The following GUCA1C variants were observed in gnomAD, a reference collection of about 807,000 sequenced individuals.
GUCA1C encodes guanylyl cyclase-activating protein 3.
GUCA1C carries 15 observed loss-of-function variants against 16.2 expected under a neutral mutation model. The observed-to-expected ratio is 0.93, with a 90% CI of 0.62 to 1.43. The LOEUF is 1.43. Ranked by LOEUF, GUCA1C falls within the 40% of genes most tolerant of loss-of-function variation. The probability of loss-of-function intolerance (pLI) is 0.00; values close to 1 mark genes in which losing one functional copy is unlikely to be tolerated. For synonymous variants in GUCA1C, 78 were observed against 85.4 expected, an observed-to-expected ratio of 0.91 and a Z score of 0.48; for missense variants, 275 against 244.8, an observed-to-expected ratio of 1.12 and a Z score of -0.82.
At chr3:108,911,515 G>A (rs973971123) in intron 3 of GUCA1C, among the ~76,000 whole-genome samples, 5 of 152,220 alleles carry the variant, frequency 3.3e-5, no homozygotes, top group Non-Finnish European at 7.3e-5. Context: ...TGTCAAGGGA[G>A]GATGCTGGTG....
intron 3 of GUCA1C, 36 bp downstream of exon 3, chr3:108,916,091 T>C (rs1220243986): frequency 7.4e-6 from 12 of 1,610,782 alleles, no homozygotes; most frequent in Non-Finnish European, 1.0e-5. Context: ...TCCTACTTTG[T>C]AGGAAAAGTG....
rs780074681 is a variant in GUCA1C, at chr3:108,920,473, C to A, written c.317G>T (p.Gly106Val). The A allele has an allele frequency of 1.2e-6, 2 of 1,607,194 alleles. No individual in the cohort carries two copies. Among genetic ancestry groups the A allele is most frequent in the Non-Finnish European group, 1.7e-6 (2 of 1,174,164 alleles). ...YFKLYDADGNGSIDKNELLDM... is the reference protein window; with the variant it reads ...YFKLYDADGNVSIDKNELLDM... ...CAGTAGTTCATTTTTGTCAATAGAA[C>A]CATTTCCATCAGCATCATACAGCTT... is the stretch of plus-strand genomic sequence containing the variant. Residue 106 changes from glycine to valine, a missense_variant, in exon 2 of 4, where the codon GGT (glycine) becomes GTT (valine). Coordinates refer to ENST00000261047, the MANE Select transcript of GUCA1C (RefSeq NM_005459.4).
upstream of GUCA1C, chr3:108,954,002 CAT>C (rs1946926002): frequency 2.0e-6 from 1 of 502,680 alleles, no homozygotes; most frequent in South Asian, 3.2e-5. Context: ...CATGCAGAGA[CAT>C]AGTTTTTTGT....
chr3:108,925,860 G>A (rs148642707), intron 1 of GUCA1C, among the ~76,000 whole-genome samples: 127 of 152,308 alleles, frequency 8.3e-4, no homozygotes, highest in African/African-American at 2.7e-3. Context: ...GCTGAGGCAG[G>A]TGGATCACCT....
At chr3:108,912,103 CAAT>C (rs144187451) in intron 3 of GUCA1C, among the ~76,000 whole-genome samples, 1 of 125,700 alleles carries the variant, frequency 8.0e-6, no homozygotes. Context: ...GACTCCGTCT[CAAT>C]AATAATAATA....
At chr3:108,942,820 T>A (rs1946801170) in intron 1 of GUCA1C, among the ~76,000 whole-genome samples, 1 of 152,238 alleles carries the variant, frequency 6.6e-6, no homozygotes, top group Non-Finnish European at 1.5e-5. Context: ...CTAATTATTA[T>A]CCATCTTTGT....
chr3:108,915,387 C>T (rs942522217), intron 3 of GUCA1C, among the ~76,000 whole-genome samples: 10 of 152,152 alleles, frequency 6.6e-5, no homozygotes, highest in Admixed American at 1.3e-4. Context: ...TTTCAAGGAC[C>T]ATTCCTAGAT....
intron 1 of GUCA1C, among the ~76,000 whole-genome samples, chr3:108,930,144 T>C (rs969822810): frequency 3.9e-5 from 6 of 152,226 alleles, no homozygotes; most frequent in African/African-American, 1.4e-4. Flanking sequence ...GACTCATTCT[T>C]CGCTATTTTC....
At chr3:108,946,688 T>C (rs1013275627) in intron 1 of GUCA1C, among the ~76,000 whole-genome samples, 3 of 152,074 alleles carry the variant, frequency 2.0e-5, no homozygotes, top group Non-Finnish European at 4.4e-5. Context: ...GCAAGTTAGA[T>C]GACACAAGAG....
At chr3:108,950,597 G>T (rs578194327) in intron 1 of GUCA1C, among the ~76,000 whole-genome samples, 1 of 152,132 alleles carries the variant, frequency 6.6e-6, no homozygotes, top group Non-Finnish European at 1.5e-5. Context: ...AATCCACCAT[G>T]CTGTGTGATT....
At chr3:108,929,057 C>A (rs1296107863) in intron 1 of GUCA1C, among the ~76,000 whole-genome samples, 4 of 152,166 alleles carry the variant, frequency 2.6e-5, no homozygotes, top group African/African-American at 9.7e-5. Flanking sequence ...TACTGAGTCT[C>A]CCTTTCCATG....
intron 1 of GUCA1C, among the ~76,000 whole-genome samples, chr3:108,925,206 C>T (rs1559843201): frequency 6.6e-6 from 1 of 151,820 alleles, no homozygotes; most frequent in Non-Finnish European, 1.5e-5. Context: ...TATCCAGTTC[C>T]GTGAGGTGTG....
chr3:108,924,855 A>G (rs1397599225), intron 1 of GUCA1C, among the ~76,000 whole-genome samples: 4 of 152,146 alleles, frequency 2.6e-5, no homozygotes, highest in Non-Finnish European at 5.9e-5. Flanking sequence ...GATTTAATCT[A>G]GGAGGTTTGT....
chr3:108,928,694 C>CT (rs149504532), intron 1 of GUCA1C, among the ~76,000 whole-genome samples: 1 of 152,304 alleles, frequency 6.6e-6, no homozygotes, highest in Non-Finnish European at 1.5e-5. Flanking sequence ...GTTGAAAAGA[C>CT]TGTCTTTTCT....
chr3:108,938,065 A>T (rs1946746830), intron 1 of GUCA1C, among the ~76,000 whole-genome samples: 1 of 152,122 alleles, frequency 6.6e-6, no homozygotes, highest in South Asian at 2.1e-4. Flanking sequence ...TGTCTAAAAA[A>T]AAAAACAAAA....
rs944300868 is a variant in GUCA1C, at chr3:108,908,131, T to A, written c.521A>T (p.Asp174Val). The change falls in exon 4 of 4, where the codon GAC becomes GTC. Residue 174 changes from aspartate (D) to valine (V), a missense_variant. Asp to Val is a radical substitution (Grantham distance 152, BLOSUM62 -3). Transcript: ENST00000261047. ...DLLEIVYKSF[D>V]FSNVLRVICN... ...GATTACTCTCAGCACATTGGAGAAG[T>A]CGAAGCTCTTGTAAACAATCTCCAG... 6.2e-7 allele frequency: 1 copy of A among 1,613,718 alleles called. No individual in the cohort carries two copies. Among genetic ancestry groups the A allele is most frequent in the Non-Finnish European group, 8.5e-7 (1 of 1,179,644 alleles).
chr3:108,929,259 G>T (rs1414178272), intron 1 of GUCA1C, among the ~76,000 whole-genome samples: 2 of 152,108 alleles, frequency 1.3e-5, no homozygotes, highest in Non-Finnish European at 2.9e-5. Flanking sequence ...GATGACTGAT[G>T]ACTTTTGTAT....
intron 1 of GUCA1C, among the ~76,000 whole-genome samples, chr3:108,935,852 G>C (rs1223696327): frequency 1.3e-5 from 2 of 152,170 alleles, no homozygotes; most frequent in Non-Finnish European, 2.9e-5. Context: ...TAGTGCTTCT[G>C]TCCAACAGAA....
intron 1 of GUCA1C, among the ~76,000 whole-genome samples, chr3:108,945,570 A>T (rs1187333153): frequency 6.6e-6 from 1 of 152,200 alleles, no homozygotes; most frequent in Non-Finnish European, 1.5e-5. Context: ...TCTTTCCCAG[A>T]GACAGATCTT....
Sources: gnomAD v4.1 joint callset for allele counts (sites outside exome capture counted in the v4.1 genomes callset) on GRCh38, gnomAD v4.1.1 for gene constraint, MANE v1.5 for transcripts, NCBI Gene and HGNC (gene_info 2026-07-23, HGNC 2026-07-21) for gene names.